Variants in DCDC1 observed in about 807,000 individuals in gnomAD.
DCDC1 encodes doublecortin domain-containing protein 1.
A neutral mutation model predicts 178.3 loss-of-function variants in DCDC1; 200 were observed. The ratio of observed to expected loss-of-function variants is 1.12; its 90% CI spans 1.00 to 1.26. The LOEUF (loss-of-function observed/expected upper bound fraction) is 1.26. Among genes scored for constraint, DCDC1 ranks in the 50% most tolerant of loss-of-function variants. The probability of loss-of-function intolerance (pLI) is 0.00; values close to 1 mark genes in which losing one functional copy is unlikely to be tolerated. For missense variants in DCDC1, 1,983 were observed against 1,749.2 expected (o/e 1.13, Z -2.38); for synonymous variants, 690 against 604.8 (o/e 1.14, Z -2.07).
At chr11:30,868,629 A>T (rs1236610913) in intron 38 of DCDC1, among the ~76,000 whole-genome samples, 1 of 152,092 alleles carries the variant, frequency 6.6e-6, no homozygotes, top group African/African-American at 2.4e-5. Context: ...AGCTCATGGC[A>T]GTTTCAGAGT....
chr11:30,926,552 G>C (rs1946602603), intron 22 of DCDC1, among the ~76,000 whole-genome samples: 2 of 152,168 alleles, frequency 1.3e-5, no homozygotes, highest in Middle Eastern at 3.2e-3. Flanking sequence ...AGCTACAGGA[G>C]ACTGATGGAG....
intron 37 of DCDC1, among the ~76,000 whole-genome samples, chr11:30,880,335 G>A (rs1011343525): frequency 7.9e-5 from 12 of 152,158 alleles, no homozygotes; most frequent in Admixed American, 2.6e-4. Context: ...AATAAATCCC[G>A]TCTCCCTACT....
chr11:31,263,106 T>A (rs767787537), intron 8 of DCDC1: 3 of 1,608,306 alleles, frequency 1.9e-6, no homozygotes, highest in African/African-American at 2.7e-5. Flanking sequence ...TATACCATAT[T>A]TGGGAGGAGA....
intron 9 of DCDC1, among the ~76,000 whole-genome samples, chr11:31,166,886 A>C (rs895830140): frequency 2.0e-5 from 3 of 152,140 alleles, no homozygotes; most frequent in African/African-American, 7.2e-5. Flanking sequence ...CATGATGATT[A>C]GAGTTCTAGT....
At chr11:31,162,624 T>C (rs1966410494) in intron 9 of DCDC1, among the ~76,000 whole-genome samples, 1 of 152,158 alleles carries the variant, frequency 6.6e-6, no homozygotes, top group Admixed American at 6.6e-5. Flanking sequence ...TGAGAAGTCA[T>C]ATCATTAACA....
chr11:31,213,973 A>G (rs1464624817), intron 9 of DCDC1, among the ~76,000 whole-genome samples: 1 of 152,138 alleles, frequency 6.6e-6, no homozygotes, highest in Non-Finnish European at 1.5e-5. Context: ...AACAGCAATT[A>G]TCTCTGGGGA....
chr11:31,299,548 T>C (rs1285322565), intron 6 of DCDC1, among the ~76,000 whole-genome samples: 1 of 152,184 alleles, frequency 6.6e-6, no homozygotes. Flanking sequence ...ACCCTAGATA[T>C]TGAGAGTTCA....
chr11:31,118,080 CAT>C (rs1446221934), intron 11 of DCDC1, among the ~76,000 whole-genome samples: 10 of 151,980 alleles, frequency 6.6e-5, no homozygotes, highest in Non-Finnish European at 1.0e-4. Context: ...ATGAGAAAAA[CAT>C]AGTCATGTGC....
intron 8 of DCDC1, among the ~76,000 whole-genome samples, chr11:31,247,045 G>A (rs908341847): frequency 2.0e-5 from 3 of 152,064 alleles, no homozygotes; most frequent in Non-Finnish European, 4.4e-5. Flanking sequence ...TAATACTGCT[G>A]TAAGAGACAT....
At chr11:31,234,180 A>C (rs1460615883) in intron 9 of DCDC1, among the ~76,000 whole-genome samples, 2 of 152,202 alleles carry the variant, frequency 1.3e-5, no homozygotes, top group Non-Finnish European at 2.9e-5. Flanking sequence ...AGAAACTTCA[A>C]ATATTTTAGA....
chr11:30,943,604 T>A (rs551169585), intron 21 of DCDC1: 18 of 444,728 alleles, frequency 4.0e-5, no homozygotes, highest in African/African-American at 3.6e-4. Context: ...AGAAGCACAA[T>A]TTTTCAATTC....
rs1314757900 is a variant in DCDC1 at position 31,064,053 on chromosome 11, A to G, written c.2591+416T>C. Among the ~76,000 whole-genome samples the G allele has an allele frequency of 2.6e-5, 4 of 152,244 alleles. No homozygotes were observed. In the East Asian group the frequency reaches 7.7e-4, roughly 29 times the overall value. On this transcript the variant is annotated intron_variant, in intron 20 of 38. Coordinates refer to ENST00000684477, the MANE Select transcript of DCDC1 (RefSeq NM_001387274.1). ...GGTTGATTTGTTATCACTGGTTAAGACCATCTTTTGTGCACTTAACCTTGA... is the reference window on the plus strand; with the variant it reads ...GGTTGATTTGTTATCACTGGTTAAGGCCATCTTTTGTGCACTTAACCTTGA...
At chr11:30,879,135 TA>T (rs1942410976) in intron 37 of DCDC1, among the ~76,000 whole-genome samples, 1 of 152,154 alleles carries the variant, frequency 6.6e-6, no homozygotes, top group Admixed American at 6.5e-5. Flanking sequence ...ATTGATTTTT[TA>T]AAAAACCCGA....
intron 20 of DCDC1, among the ~76,000 whole-genome samples, chr11:31,016,143 T>C (rs747475189): frequency 6.6e-6 from 1 of 152,162 alleles, no homozygotes; most frequent in Non-Finnish European, 1.5e-5. Flanking sequence ...TCTTCAGTCA[T>C]AAAATGGGAA....
intron 32 of DCDC1, 128 bp downstream of exon 32, chr11:30,903,354 C>T (rs1046844359): frequency 3.0e-5 from 27 of 893,438 alleles, no homozygotes; most frequent in Middle Eastern, 7.4e-4. Flanking sequence ...TGACACTCTT[C>T]GGGTCACAAA....
intron 20 of DCDC1, among the ~76,000 whole-genome samples, chr11:31,033,727 G>A (rs1953825767): frequency 6.6e-6 from 1 of 152,172 alleles, no homozygotes; most frequent in Admixed American, 6.5e-5. Flanking sequence ...AGTCCCATAA[G>A]ATCATAATTG....
chr11:31,102,094 AC>A, intron 15 of DCDC1, 82 bp downstream of exon 15: 2 of 510,580 alleles, frequency 3.9e-6, no homozygotes, highest in Admixed American at 3.1e-5. Flanking sequence ...AAAAAAAAAA[AC>A]TGTCACAAAT....
intron 29 of DCDC1, among the ~76,000 whole-genome samples, chr11:30,908,427 A>G (rs1945224821): frequency 6.6e-6 from 1 of 152,096 alleles, no homozygotes; most frequent in African/African-American, 2.4e-5. Flanking sequence ...CAAACCAACA[A>G]ACCATAAAAA....
At position 30,941,161 on chromosome 11, in the gene DCDC1, G is replaced by T. The variant is rs1233048733; in HGVS notation, c.2716-9209C>A. Among the ~76,000 whole-genome samples, 3 of 152,028 alleles carry T rather than the reference G, an allele frequency of 2.0e-5. No individual in the cohort carries two copies. In the East Asian group the frequency reaches 5.8e-4, roughly 29 times the overall value. ...TCATCACCTCCATTCCTACCATCCTGGTCCAAGAAATTATTTCTTCTCAGC... is the reference window on the plus strand; with the variant it reads ...TCATCACCTCCATTCCTACCATCCTTGTCCAAGAAATTATTTCTTCTCAGC... On this transcript the variant is annotated intron_variant, in intron 21 of 38. Transcript: ENST00000684477.
Sources: gnomAD v4.1 joint callset for allele counts (sites outside exome capture counted in the v4.1 genomes callset) on GRCh38, gnomAD v4.1.1 for gene constraint, MANE v1.5 for transcripts, NCBI Gene and HGNC (gene_info 2026-07-23, HGNC 2026-07-21) for gene names.